The following MCF2L2 variants were observed in gnomAD, a reference collection of about 807,000 sequenced individuals.
MCF2L2 encodes the protein MCF.2 cell line derived transforming sequence-like 2, also known as probable guanine nucleotide exchange factor MCF2L2.
In MCF2L2, 102 loss-of-function variants were observed where a neutral mutation model predicts 150.2. The observed-to-expected ratio is 0.68, with a 90% CI of 0.58 to 0.80. MCF2L2 has a LOEUF of 0.80. MCF2L2 is among the 30% of genes least tolerant of loss of function. The pLI is 0.00. For synonymous variants in MCF2L2, 465 were observed against 491.3 expected, an observed-to-expected ratio of 0.95 and a Z score of 0.71; for missense variants, 1,256 against 1,372.8, an observed-to-expected ratio of 0.91 and a Z score of 1.34.
At chr3:183,327,419 A>G (rs905602729) in intron 5 of MCF2L2, among the ~76,000 whole-genome samples, 2 of 152,234 alleles carry the variant, frequency 1.3e-5, no homozygotes, top group African/African-American at 4.8e-5. Flanking sequence ...TGTATGCCTG[A>G]TAACAAAACT....
rs563683310 is a variant in MCF2L2, at chr3:183,262,202, C to A, written c.1862+14670G>T. 2.0e-5 allele frequency among the ~76,000 whole-genome samples: 3 copies of A among 149,652 alleles called. No individual in the cohort carries two copies. The South Asian group carries it at 6.4e-4, about 32-fold the overall frequency. ...TTTATTATATACACTAAGGGTTAGT[C>A]TTGTTTTATGATACTTTATTATATA... On this transcript the variant is annotated intron_variant, in intron 15 of 29. Coordinates refer to ENST00000328913, the MANE Select transcript of MCF2L2 (RefSeq NM_015078.4).
At chr3:183,393,876 C>T (rs1431240086) in intron 1 of MCF2L2, among the ~76,000 whole-genome samples, 1 of 152,224 alleles carries the variant, frequency 6.6e-6, no homozygotes, top group Non-Finnish European at 1.5e-5. Flanking sequence ...GGAAACAGGG[C>T]TGATGATATC....
At position 183,207,620 on chromosome 3, in the gene MCF2L2, C is replaced by T; in HGVS notation, c.2700G>A (p.Lys900=). The T allele has an allele frequency of 6.2e-7, 1 of 1,613,670 alleles. No individual in the cohort carries two copies. Among genetic ancestry groups the T allele is most frequent in the African/African-American group, 1.3e-5 (1 of 75,046 alleles). The change falls in exon 23 of 30, where the codon AAG becomes AAA. Residue 900 remains lysine, a synonymous_variant. Coordinates refer to ENST00000328913, the MANE Select transcript of MCF2L2 (RefSeq NM_015078.4). ...GGACTCCCTTTACCTTCATGGTCTT[C>T]TTGAAGCTGTAATGAGGAGATAATC... ...DQGLSPHYSF[K]KTMKLMTLSI...
chr3:183,269,230 CTTTTT>C (rs60835895), intron 15 of MCF2L2, among the ~76,000 whole-genome samples: 1 of 81,030 alleles, frequency 1.2e-5, no homozygotes, highest in Non-Finnish European at 2.2e-5. Flanking sequence ...GTTTGGGAAG[CTTTTT>C]TTTTTTTTTT....
At chr3:183,232,184 A>G (rs1723589084) in intron 15 of MCF2L2, among the ~76,000 whole-genome samples, 1 of 152,158 alleles carries the variant, frequency 6.6e-6, no homozygotes, top group Admixed American at 6.5e-5. Flanking sequence ...GAATGTGGGC[A>G]GCCGTAGGAA....
chr3:183,340,173 G>A lies in MCF2L2; in HGVS notation c.367-1254C>T, dbSNP rs568345267. On this transcript the variant is annotated intron_variant, in intron 4 of 29. Transcript: ENST00000328913. ...CAAGCTCCTAACAGAAGAACCTTGC[G>A]CTTTGTTGTGCCAAGACGGAAAGTA... Among the ~76,000 whole-genome samples the A allele has an allele frequency of 2.6e-4, 40 of 152,296 alleles. No individual in the cohort carries two copies. The South Asian group carries it at 5.8e-3, about 22-fold the overall frequency.
chr3:183,277,815 C>A (rs1450197048), intron 14 of MCF2L2, among the ~76,000 whole-genome samples: 1 of 150,514 alleles, frequency 6.6e-6, no homozygotes, highest in Non-Finnish European at 1.5e-5. Context: ...GATGTCAGTC[C>A]AATAAGAATC....
At chr3:183,219,463 T>G (rs1243323835) in intron 21 of MCF2L2, among the ~76,000 whole-genome samples, 1 of 152,092 alleles carries the variant, frequency 6.6e-6, no homozygotes, top group African/African-American at 2.4e-5. Context: ...ATAAAAAAAT[T>G]AGCTGTGCAT....
intron 7 of MCF2L2, 89 bp from the exon 8 acceptor site, chr3:183,311,861 AT>A: frequency 8.4e-7 from 1 of 1,190,328 alleles, no homozygotes; most frequent in Admixed American, 2.9e-5. Context: ...AGATCAGTAC[AT>A]TTTTCATTTA....
chr3:183,295,219 C>CA lies in MCF2L2; in HGVS notation c.1675+80dup. The CA allele has an allele frequency of 2.2e-6, 3 of 1,382,060 alleles. No homozygotes were observed. The South Asian group carries it at 4.2e-5, about 19-fold the overall frequency. The allele number at this position is 1,382,060 out of a possible 1,614,324, so 85.6% of individuals were successfully genotyped here. On this transcript the variant is annotated intron_variant, in intron 13 of 29. Transcript: ENST00000328913. ...ATCTGTTAAAACAGCGACCATTATC[C>CA]ATTGTAGACAACCAGTCACAGTCCT...
intron 1 of MCF2L2, among the ~76,000 whole-genome samples, chr3:183,417,561 C>A (rs1157725163): frequency 6.6e-6 from 1 of 152,176 alleles, no homozygotes; most frequent in East Asian, 1.9e-4. Flanking sequence ...ATTTGAATTA[C>A]CACCTGGGAT....
intron 6 of MCF2L2, among the ~76,000 whole-genome samples, chr3:183,318,903 G>A (rs115646179): frequency 0.01 from 1,525 of 152,310 alleles, 15 homozygotes; most frequent in Non-Finnish European, 0.016. Flanking sequence ...TTTGCTGCCG[G>A]AGGGTCTTGC....
intron 7 of MCF2L2, among the ~76,000 whole-genome samples, chr3:183,317,752 A>C (rs1729657766): frequency 6.6e-6 from 1 of 152,158 alleles, no homozygotes; most frequent in South Asian, 2.1e-4. Flanking sequence ...AAGGGTGCTC[A>C]CATGCCTCAG....
intron 3 of MCF2L2, among the ~76,000 whole-genome samples, chr3:183,352,557 A>C (rs371641782): frequency 6.6e-6 from 1 of 152,168 alleles, no homozygotes; most frequent in Non-Finnish European, 1.5e-5. Flanking sequence ...TGAGACTCTA[A>C]TGTTTTCTGT....
chr3:183,182,887 G>A (rs1660068629), intron 27 of MCF2L2, among the ~76,000 whole-genome samples: 1 of 152,194 alleles, frequency 6.6e-6, no homozygotes. Flanking sequence ...GCCTTGTGGG[G>A]ACTGGCTTAA....
At chr3:183,355,613 ATTTTTTT>A (rs71185653) in intron 3 of MCF2L2, among the ~76,000 whole-genome samples, 33 of 84,434 alleles carry the variant, frequency 3.9e-4, no homozygotes, top group Non-Finnish European at 3.9e-4. Flanking sequence ...CGCCCAGCTA[ATTTTTTT>A]TTTTTTTTTT....
chr3:183,322,990 T>G (rs1018613662), intron 6 of MCF2L2, among the ~76,000 whole-genome samples: 1 of 152,124 alleles, frequency 6.6e-6, no homozygotes, highest in Non-Finnish European at 1.5e-5. Context: ...CCCAGGTGCA[T>G]TCGAAGGTAA....
intron 15 of MCF2L2, among the ~76,000 whole-genome samples, chr3:183,238,631 T>C (rs962625210): frequency 2.0e-5 from 3 of 151,290 alleles, no homozygotes; most frequent in African/African-American, 7.3e-5. Context: ...AGACAATTCT[T>C]CTTCTTCCAG....
intron 15 of MCF2L2, among the ~76,000 whole-genome samples, chr3:183,241,477 T>C (rs147990885): frequency 7.9e-4 from 120 of 152,308 alleles, no homozygotes; most frequent in Middle Eastern, 3.4e-3. Context: ...GTTCTCATGA[T>C]AGTGAATAAG....
Sources: allele counts gnomAD v4.1 joint callset (sites outside exome capture counted in the v4.1 genomes callset), GRCh38; gene constraint gnomAD v4.1.1; transcripts MANE v1.5; gene names NCBI Gene and HGNC (gene_info 2026-07-23, HGNC 2026-07-21).